SRPK2: variants seen among roughly 807,000 people sequenced by gnomAD.
SRPK2 encodes SFRS protein kinase 2.
A neutral mutation model predicts 90.8 loss-of-function variants in SRPK2; 21 were observed. The ratio of observed to expected loss-of-function variants is 0.23; its 90% CI spans 0.16 to 0.33. SRPK2 has a LOEUF of 0.33. SRPK2 is among the 10% of genes least tolerant of loss of function. The probability of loss-of-function intolerance (pLI) is 1.00; values close to 1 mark genes in which losing one functional copy is unlikely to be tolerated. For missense variants in SRPK2, 620 were observed against 869.0 expected (o/e 0.71, Z 3.60); for synonymous variants, 288 against 311.1 (o/e 0.93, Z 0.78).
chr7:105,202,761 C>T (rs1458008190), intron 3 of SRPK2, among the ~76,000 whole-genome samples: 3 of 152,190 alleles, frequency 2.0e-5, no homozygotes, highest in Non-Finnish European at 4.4e-5. Flanking sequence ...TCGTTAAGTA[C>T]AATGCCAGGA....
intron 2 of SRPK2, among the ~76,000 whole-genome samples, chr7:105,342,353 T>C (rs1048033662): frequency 6.7e-6 from 1 of 149,430 alleles, no homozygotes; most frequent in Admixed American, 6.7e-5. Context: ...ATATTAATAA[T>C]AATAATTAAA....
chr7:105,339,344 T>C lies in SRPK2; in HGVS notation c.71+49304A>G, dbSNP rs1172386935. Among the ~76,000 whole-genome samples the C allele has an allele frequency of 2.0e-5, 3 of 152,210 alleles. No homozygotes were observed. In the East Asian group the frequency reaches 5.8e-4, roughly 29 times the overall value. On this transcript the variant is annotated intron_variant, in intron 2 of 15. Transcript: ENST00000393651. Reference sequence around the variant, plus strand: ...GGGTTCTTAAATCTGTTTATTTCAATCACCTCATTCATTCCATAAGCACTT... The same window carrying C: ...GGGTTCTTAAATCTGTTTATTTCAACCACCTCATTCATTCCATAAGCACTT...
At chr7:105,120,503 A>C (rs552530306) in intron 15 of SRPK2, among the ~76,000 whole-genome samples, 1 of 152,344 alleles carries the variant, frequency 6.6e-6, no homozygotes, top group Middle Eastern at 3.4e-3. Context: ...AATATTCGCA[A>C]GGAGCAGTAA....
intron 3 of SRPK2, among the ~76,000 whole-genome samples, chr7:105,200,207 C>A (rs578082221): frequency 1.3e-5 from 2 of 151,960 alleles, no homozygotes; most frequent in African/African-American, 4.8e-5. Flanking sequence ...GAGGCTGGCA[C>A]GAGAATTGCT....
upstream of SRPK2, chr7:105,389,039 G>GCCCAGCGCCGCGCA: frequency 2.1e-6 from 2 of 941,362 alleles, no homozygotes; most frequent in Non-Finnish European, 2.5e-6. Flanking sequence ...AGCGCCGCGC[G>GCCCAGCGCCGCGCA]CCCAGCGCCC....
chr7:105,242,317 G>A (rs962710525), intron 2 of SRPK2, among the ~76,000 whole-genome samples: 2 of 152,100 alleles, frequency 1.3e-5, no homozygotes, highest in African/African-American at 4.8e-5. Flanking sequence ...CTCAAGGCCA[G>A]CCTCGCCAAC....
Position 105,160,522 on chromosome 7 carries a change from C to T in SRPK2, c.606G>A (p.Lys202=). 6.2e-7 allele frequency: 1 copy of T among 1,612,448 alleles called. No individual in the cohort carries two copies. The highest frequency in any genetic ancestry group is 8.5e-7 in the Non-Finnish European group (1 of 1,178,456). ...AAAGTCTCACCTGTCGAATGATACT[C>T]TTCACACAACGTACTGGGAGGCCTT... ...NYQGLPVRCV[K]SIIRQVLQGL... Residue 202 remains lysine, a synonymous_variant, in exon 7 of 16, where the codon AAG becomes AAA. Transcript: ENST00000393651.
At position 105,294,670 on chromosome 7, in the gene SRPK2, C is replaced by T. The variant is rs181794358; in HGVS notation, c.72-90885G>A. Among the ~76,000 whole-genome samples the T allele has an allele frequency of 6.3e-4, 96 of 152,132 alleles. 1 individual carries two copies. The East Asian group carries it at 0.014, about 22-fold the overall frequency. On this transcript the variant is annotated intron_variant, in intron 2 of 15. Coordinates refer to ENST00000393651, the MANE Select transcript of SRPK2 (RefSeq NM_182692.3). ...CTTCTCAAGCAGCTGGGATTATAGA[C>T]GCGCACCACCATGCCTGGCTAATTT...
At chr7:105,219,411 G>C (rs1032915119) in intron 2 of SRPK2, among the ~76,000 whole-genome samples, 1 of 152,094 alleles carries the variant, frequency 6.6e-6, no homozygotes, top group Non-Finnish European at 1.5e-5. Flanking sequence ...CCCCACTCAG[G>C]CCAGGCCTAT....
chr7:105,290,986 C>G (rs537448536), intron 2 of SRPK2, among the ~76,000 whole-genome samples: 1 of 139,550 alleles, frequency 7.2e-6, no homozygotes, highest in South Asian at 2.3e-4. Context: ...TGCAGTGAGC[C>G]GAGATTGCGC....
chr7:105,183,081 G>T (rs1036897926), intron 3 of SRPK2, among the ~76,000 whole-genome samples: 9 of 152,150 alleles, frequency 5.9e-5, no homozygotes, highest in Admixed American at 5.2e-4. Context: ...TTCACTAAAA[G>T]CTCCATACAT....
At chr7:105,249,709 T>G (rs1436823129) in intron 2 of SRPK2, among the ~76,000 whole-genome samples, 1 of 152,218 alleles carries the variant, frequency 6.6e-6, no homozygotes, top group Non-Finnish European at 1.5e-5. Context: ...ATCATGCTTT[T>G]TCATTCCATT....
At chr7:105,175,909 GAT>G (rs1411743867) in intron 3 of SRPK2, among the ~76,000 whole-genome samples, 2 of 151,718 alleles carry the variant, frequency 1.3e-5, no homozygotes, top group South Asian at 2.1e-4. Context: ...ATTTTATCTT[GAT>G]ATTATGAAAA....
intron 2 of SRPK2, among the ~76,000 whole-genome samples, chr7:105,362,433 C>T (rs187470596): frequency 6.6e-6 from 1 of 151,702 alleles, no homozygotes; most frequent in Admixed American, 6.6e-5. Context: ...TGGTGAATGG[C>T]CTGAACCCAG....
At chr7:105,312,215 G>C (rs1811783261) in intron 2 of SRPK2, among the ~76,000 whole-genome samples, 1 of 152,212 alleles carries the variant, frequency 6.6e-6, no homozygotes, top group Non-Finnish European at 1.5e-5. Flanking sequence ...GCCAAGGTGG[G>C]GGGATCACAA....
Position 105,170,970 on chromosome 7 carries a change from AAAGAAAG to A in SRPK2, c.230-1712_230-1706del, listed in dbSNP as rs757128185. On this transcript the variant is annotated intron_variant, in intron 3 of 15. Transcript: ENST00000393651. ...AAGAAAGAAAGAAAGAAAGAAAGAG[AAAGAAAG>A]AGAAAGAAAGAAAGAAAGAGAAAGA... Among the ~76,000 whole-genome samples, 527 of 92,390 alleles carry A rather than the reference AAAGAAAG, an allele frequency of 5.7e-3. 38 individuals carry two copies. The highest frequency in any genetic ancestry group is 0.014 in the African/African-American group (309 of 22,616). 60.6% of individuals were successfully genotyped at this position (92,390 alleles called of 152,430 possible).
At chr7:105,123,558 G>A (rs1470034349) in intron 15 of SRPK2, among the ~76,000 whole-genome samples, 2 of 152,098 alleles carry the variant, frequency 1.3e-5, no homozygotes, top group Admixed American at 6.5e-5. Context: ...ATATTTTTAA[G>A]ATTCCATTAT....
intron 13 of SRPK2, among the ~76,000 whole-genome samples, chr7:105,132,110 C>A (rs757836816): frequency 6.6e-6 from 1 of 152,188 alleles, no homozygotes; most frequent in Non-Finnish European, 1.5e-5. Context: ...ACAGGCCTGA[C>A]AGATAGAAGA....
At chr7:105,242,152 T>C (rs1159065140) in intron 2 of SRPK2, among the ~76,000 whole-genome samples, 1 of 152,222 alleles carries the variant, frequency 6.6e-6, no homozygotes, top group Non-Finnish European at 1.5e-5. Context: ...AAATGACCCT[T>C]CAACCTTAGA....
Sources: gnomAD v4.1 joint callset for allele counts (sites outside exome capture counted in the v4.1 genomes callset) on GRCh38, gnomAD v4.1.1 for gene constraint, MANE v1.5 for transcripts, NCBI Gene and HGNC (gene_info 2026-07-23, HGNC 2026-07-21) for gene names.